The following DNTT variants were observed in gnomAD, a reference collection of about 807,000 sequenced individuals.
DNTT encodes DNA nucleotidylexotransferase.
A neutral mutation model predicts 60.9 loss-of-function variants in DNTT; 47 were observed. The observed-to-expected ratio is 0.77, with a 90% confidence interval of 0.61 to 0.98. The LOEUF (loss-of-function observed/expected upper bound fraction) is 0.98. Among genes scored for constraint, DNTT ranks in the 50% least tolerant of loss-of-function variants. The probability of loss-of-function intolerance (pLI) is 0.00; values close to 1 mark genes in which losing one functional copy is unlikely to be tolerated. For missense variants in DNTT, 665 were observed against 627.5 expected, an observed-to-expected ratio of 1.06 and a Z score of -0.64; for synonymous variants, 224 against 221.2, an observed-to-expected ratio of 1.01 and a Z score of -0.11.
intron 6 of DNTT, 78 bp downstream of exon 6, chr10:96,324,467 A>T (rs1844917770): frequency 6.3e-7 from 1 of 1,582,252 alleles, no homozygotes; most frequent in African/African-American, 1.3e-5. Flanking sequence ...GTTACACTGC[A>T]ACTCCAATCT....
At position 96,324,312 on chromosome 10, in the gene DNTT, G is replaced by A. The variant is rs768991399; in HGVS notation, c.797G>A (p.Trp266Ter). The change falls in exon 6 of 11, where the codon TGG becomes TAG. Residue 266 changes from tryptophan to a stop codon, truncating the protein, a stop_gained. Coordinates refer to ENST00000371174, the MANE Select transcript of DNTT (RefSeq NM_004088.4). LOFTEE classifies it high-confidence loss of function. ...GTGGGGCTGAAGACTTCTGAGAAGT[G>A]GTTCAGGATGGGTTTCAGAACTCTG... ...FGVGLKTSEK[W>*]FRMGFRTLSK... 1 of 1,613,686 alleles carries A rather than the reference G, an allele frequency of 6.2e-7. No homozygotes were observed. The highest frequency in any genetic ancestry group is 1.1e-5 in the South Asian group (1 of 91,054).
intron 9 of DNTT, 54 bp downstream of exon 9, chr10:96,332,650 C>T (rs568781663): frequency 6.2e-5 from 98 of 1,589,414 alleles, no homozygotes; most frequent in Non-Finnish European, 8.0e-5. Flanking sequence ...AGACGTAGGC[C>T]GAGTCTACCT....
At chr10:96,321,799 C>T (rs2133989481) in intron 4 of DNTT, among the ~76,000 whole-genome samples, 1 of 152,184 alleles carries the variant, frequency 6.6e-6, no homozygotes, top group East Asian at 1.9e-4. Context: ...CCCTCTCCTG[C>T]CCTGCTCATG....
intron 6 of DNTT, 35 bp downstream of exon 6, chr10:96,324,424 G>A: frequency 1.2e-6 from 2 of 1,611,020 alleles, no homozygotes; most frequent in South Asian, 1.1e-5. Flanking sequence ...TTGTTGCTAT[G>A]GGCTGGTCGG....
At chr10:96,327,048 T>C (rs1844945301) in intron 6 of DNTT, among the ~76,000 whole-genome samples, 1 of 152,176 alleles carries the variant, frequency 6.6e-6, no homozygotes, top group Non-Finnish European at 1.5e-5. Flanking sequence ...TCTACTCTGC[T>C]CCTATTCTTG....
chr10:96,338,234 G>A lies in DNTT; in HGVS notation c.*10G>A. On this transcript the variant is annotated 3_prime_UTR_variant, in exon 11 of 11. Transcript: ENST00000371174. Reference sequence around the variant, plus strand: ...GGAAAGAAATGCCTAGGAAAGTGTTGTCAACATTTTTTTCCTATTCTTTTC... The same window carrying A: ...GGAAAGAAATGCCTAGGAAAGTGTTATCAACATTTTTTTCCTATTCTTTTC... 1 of 1,600,434 alleles carries A rather than the reference G, an allele frequency of 6.2e-7. No homozygotes were observed.
chr10:96,332,523 C>T lies in DNTT; in HGVS notation c.1286C>T (p.Ala429Val), dbSNP rs1477955293. The T allele has an allele frequency of 6.2e-7, 1 of 1,614,180 alleles. No homozygotes were observed. The highest frequency in any genetic ancestry group is 2.2e-5 in the East Asian group (1 of 44,884). ...SSWQEGKTWK[A>V]IRVDLVLCPY... ...TGGCAGGAAGGAAAGACCTGGAAGG[C>T]CATCCGTGTGGATTTAGTTCTGTGC... Residue 429 changes from alanine (A) to valine (V), a missense_variant, in exon 9 of 11, where the codon GCC (alanine) becomes GTC (valine). Ala to Val is a moderately conservative substitution (Grantham distance 64). Coordinates refer to ENST00000371174, the MANE Select transcript of DNTT (RefSeq NM_004088.4).
In DNTT at chr10:96,312,832, C is replaced by T. The variant is rs116115562; in HGVS notation, c.204-5520C>T. ...CCCAGTAATCTGAATTTTAACCTAG[C>T]TTCCTGGATGTCTCTGGTAGACACT... On this transcript the variant is annotated intron_variant, in intron 1 of 10. Coordinates refer to ENST00000371174, the MANE Select transcript of DNTT (RefSeq NM_004088.4). 6.3e-3 allele frequency among the ~76,000 whole-genome samples: 956 copies of T among 152,272 alleles called. 6 individuals are homozygous for T. The highest frequency in any genetic ancestry group is 0.021 in the African/African-American group (865 of 41,546).
chr10:96,320,631 T>C lies in DNTT; in HGVS notation c.521T>C (p.Ile174Thr), dbSNP rs769892205. Residue 174 changes from isoleucine to threonine, a missense_variant, in exon 4 of 11, where the codon ATA becomes ACA. Transcript: ENST00000371174. ...TTTATCCTGCAGGATGCCTTTGATA[T>C]ACTGGCTGAAAACTGTGAGTTTAGA... ...CNQIFTDAFD[I>T]LAENCEFREN... The C allele has an allele frequency of 4.3e-5, 69 of 1,613,538 alleles. No individual in the cohort carries two copies. The East Asian group carries it at 1.4e-3, about 34-fold the overall frequency.
Position 96,324,375 on chromosome 10 carries a change from G to T in DNTT, c.860G>T (p.Arg287Leu). The T allele has an allele frequency of 1.2e-6, 2 of 1,613,780 alleles. No individual in the cohort carries two copies. Among genetic ancestry groups the T allele is most frequent in the Non-Finnish European group, 1.7e-6 (2 of 1,179,762 alleles). Residue 287 changes from arginine to leucine, a missense_variant, in exon 6 of 11, where the codon CGA becomes CTA. Arg to Leu is a moderately radical substitution (Grantham distance 102, BLOSUM62 -2). Coordinates refer to ENST00000371174, the MANE Select transcript of DNTT (RefSeq NM_004088.4). ...VRSDKSLKFTRMQKAGFLYYE... is the reference protein window; with the variant it reads ...VRSDKSLKFTLMQKAGFLYYE... ...TCGGACAAAAGCCTGAAATTTACAC[G>T]AATGCAGAAAGCAGGTAAATTGTCT...
chr10:96,338,097 G>GA, intron 10 of DNTT, 41 bp from the exon 11 acceptor site: 2 of 1,576,236 alleles, frequency 1.3e-6, no homozygotes, highest in East Asian at 4.5e-5. Context: ...TGGTGCTTAT[G>GA]AAAAATATCT....
At chr10:96,323,613 G>C (rs558374033) in intron 5 of DNTT, among the ~76,000 whole-genome samples, 1 of 152,092 alleles carries the variant, frequency 6.6e-6, no homozygotes, top group Non-Finnish European at 1.5e-5. Context: ...TGCTCTTAAA[G>C]AGCAGATTTG....
intron 1 of DNTT, among the ~76,000 whole-genome samples, chr10:96,312,232 C>A (rs1255426211): frequency 6.6e-6 from 1 of 152,158 alleles, no homozygotes; most frequent in Non-Finnish European, 1.5e-5. Flanking sequence ...TCTTTCTCTA[C>A]AGTGGTGTTT....
At chr10:96,306,208 C>G (rs1377231725) in intron 1 of DNTT, among the ~76,000 whole-genome samples, 1 of 151,676 alleles carries the variant, frequency 6.6e-6, no homozygotes, top group Non-Finnish European at 1.5e-5. Flanking sequence ...ATTCTCCTGC[C>G]TCAGCCTCCC....
chr10:96,318,342 C>T lies in DNTT; in HGVS notation c.204-10C>T. Reference sequence around the variant, plus strand: ...TGTTTCAGCTGGTAACTCTGTCTTGCATTTTGCAGTGATTCTGTCACCCAC... The same window carrying T: ...TGTTTCAGCTGGTAACTCTGTCTTGTATTTTGCAGTGATTCTGTCACCCAC... On this transcript the variant is annotated splice_polypyrimidine_tract_variant and intron_variant, in intron 1 of 10. Coordinates refer to ENST00000371174, the MANE Select transcript of DNTT (RefSeq NM_004088.4). 2 of 1,603,670 alleles carry T rather than the reference C, an allele frequency of 1.2e-6. No homozygotes were observed. The highest frequency in any genetic ancestry group is 8.5e-7 in the Non-Finnish European group (1 of 1,173,364).
intron 8 of DNTT, among the ~76,000 whole-genome samples, chr10:96,331,539 T>C (rs1444853357): frequency 6.6e-6 from 1 of 152,108 alleles, no homozygotes; most frequent in Non-Finnish European, 1.5e-5. Context: ...CCAGGCTCTT[T>C]GTAACCCCCA....
intron 3 of DNTT, among the ~76,000 whole-genome samples, chr10:96,320,184 T>C (rs1383278990): frequency 3.3e-5 from 5 of 152,170 alleles, no homozygotes; most frequent in Non-Finnish European, 5.9e-5. Context: ...TCTGGGTCTG[T>C]GTGACCTACG....
At chr10:96,324,624 A>T (rs368921699) in intron 6 of DNTT, among the ~76,000 whole-genome samples, 3 of 152,228 alleles carry the variant, frequency 2.0e-5, no homozygotes, top group Admixed American at 1.3e-4. Context: ...TAACATTGAT[A>T]CTTAGCTGAG....
At chr10:96,319,835 C>G (rs1844844169) in intron 3 of DNTT, among the ~76,000 whole-genome samples, 1 of 152,192 alleles carries the variant, frequency 6.6e-6, no homozygotes, top group Admixed American at 6.5e-5. Flanking sequence ...TTGGGCAAGT[C>G]AATTTCTCTC....
Sources: allele counts gnomAD v4.1 joint callset (sites outside exome capture counted in the v4.1 genomes callset), GRCh38; gene constraint gnomAD v4.1.1; transcripts MANE v1.5; gene names NCBI Gene and HGNC (gene_info 2026-07-23, HGNC 2026-07-21).